CCDC141: variants seen among roughly 807,000 people sequenced by gnomAD.
CCDC141 encodes the protein coiled-coil domain-containing protein 141.
Under a neutral mutation model 181.0 loss-of-function variants are expected in CCDC141, and 168 were observed. The observed-to-expected ratio is 0.93, with a 90% confidence interval of 0.82 to 1.05. CCDC141 has a LOEUF of 1.05. CCDC141 is among the 50% of genes least tolerant of loss of function. The pLI is 0.00. For missense variants in CCDC141, 1,902 were observed against 1,788.5 expected (o/e 1.06, Z -1.14); for synonymous variants, 666 against 642.3 (o/e 1.04, Z -0.56).
chr2:178,963,635 G>C (rs999035604), intron 4 of CCDC141, among the ~76,000 whole-genome samples: 1 of 151,822 alleles, frequency 6.6e-6, no homozygotes. Flanking sequence ...TGAGGTAGTT[G>C]GGCCAGTTTT....
intron 2 of CCDC141, among the ~76,000 whole-genome samples, chr2:179,044,296 G>GA (rs1354150881): frequency 6.6e-6 from 1 of 152,140 alleles, no homozygotes; most frequent in Non-Finnish European, 1.5e-5. Flanking sequence ...CACAGTATTA[G>GA]AAAAAACTAT....
chr2:178,974,572 A>G (rs1165720919), intron 4 of CCDC141, among the ~76,000 whole-genome samples: 2 of 152,188 alleles, frequency 1.3e-5, no homozygotes, highest in East Asian at 3.8e-4. Context: ...TTAGATTTTC[A>G]TCTGGAAAAA....
intron 17 of CCDC141, among the ~76,000 whole-genome samples, chr2:178,862,080 C>G (rs1685644771): frequency 6.6e-6 from 1 of 152,168 alleles, no homozygotes; most frequent in Admixed American, 6.5e-5. Context: ...TTCCTCTATT[C>G]TAATTTACTG....
chr2:178,950,106 A>G (rs1291287694), intron 5 of CCDC141, among the ~76,000 whole-genome samples: 1 of 152,242 alleles, frequency 6.6e-6, no homozygotes, highest in African/African-American at 2.4e-5. Context: ...TTTCTTTTCC[A>G]TGTGCAGAAC....
intron 22 of CCDC141, among the ~76,000 whole-genome samples, chr2:178,840,010 T>C (rs1323271947): frequency 1.3e-5 from 2 of 152,218 alleles, no homozygotes; most frequent in Admixed American, 1.3e-4. Flanking sequence ...GTGCCTTACT[T>C]GTGTTAAGAA....
chr2:178,916,172 A>T (rs1344373052), intron 7 of CCDC141, among the ~76,000 whole-genome samples: 2 of 152,236 alleles, frequency 1.3e-5, no homozygotes, highest in East Asian at 3.8e-4. Flanking sequence ...CAGTGCACTC[A>T]AGGCACAACG....
chr2:178,828,515 TA>T (rs1240854482), downstream of CCDC141, among the ~76,000 whole-genome samples: 2 of 152,158 alleles, frequency 1.3e-5, no homozygotes, highest in Admixed American at 1.3e-4. Context: ...TAGAAATGAA[TA>T]AAAATGCATT....
At chr2:179,013,960 CAAAAAA>C (rs59851189) in intron 2 of CCDC141, among the ~76,000 whole-genome samples, 1 of 46,858 alleles carries the variant, frequency 2.1e-5, no homozygotes, top group Admixed American at 4.1e-4. Context: ...GACTCCATCT[CAAAAAA>C]AAAAAAAAAA....
Position 178,893,716 on chromosome 2 carries a change from A to G in CCDC141, c.1266-5048T>C, listed in dbSNP as rs1687262361. 2.6e-5 allele frequency among the ~76,000 whole-genome samples: 4 copies of G among 151,988 alleles called. No individual in the cohort carries two copies. The South Asian group carries it at 8.3e-4, about 31-fold the overall frequency. ...GTGCCATTTATACTGTAGAAGTGAAATGCATATGTTTCTACAATAAATTTG... is the reference window on the plus strand; with the variant it reads ...GTGCCATTTATACTGTAGAAGTGAAGTGCATATGTTTCTACAATAAATTTG... On this transcript the variant is annotated intron_variant, in intron 8 of 23. Coordinates refer to ENST00000443758, the MANE Select transcript of CCDC141 (RefSeq NM_173648.4).
chr2:178,973,539 C>T (rs1234169652), intron 4 of CCDC141, among the ~76,000 whole-genome samples: 1 of 152,066 alleles, frequency 6.6e-6, no homozygotes, highest in African/African-American at 2.4e-5. Context: ...CAGCATGTGC[C>T]CCATATAAAC....
chr2:178,848,729 C>T lies in CCDC141; in HGVS notation c.3357+1320G>A, dbSNP rs1325103708. ...AAGAGTCGGAGGAAGCACTGATTTT[C>T]GGCCTTCGTATTGGAAGTCAGAAGC... On this transcript the variant is annotated intron_variant, in intron 21 of 23. Transcript: ENST00000443758. 8.6e-5 allele frequency among the ~76,000 whole-genome samples: 13 copies of T among 151,990 alleles called. No individual in the cohort carries two copies. In the East Asian group the frequency reaches 1.7e-3, roughly 20 times the overall value.
Position 178,870,480 on chromosome 2 carries a change from A to G in CCDC141, c.2205+947T>C, listed in dbSNP as rs79411924. Among the ~76,000 whole-genome samples the G allele has an allele frequency of 3.2e-3, 488 of 152,276 alleles. 4 individuals carry two copies. Among genetic ancestry groups the G allele is most frequent in the African/African-American group, 0.011 (458 of 41,562 alleles). On this transcript the variant is annotated intron_variant, in intron 14 of 23. Coordinates refer to ENST00000443758, the MANE Select transcript of CCDC141 (RefSeq NM_173648.4). ...CTGATTTAGAGGAACTTACACGTAC[A>G]TGCAAACGTGCACACAAACAAAATG...
chr2:179,031,404 T>A (rs1248979456), intron 2 of CCDC141, among the ~76,000 whole-genome samples: 1 of 152,004 alleles, frequency 6.6e-6, no homozygotes, highest in Non-Finnish European at 1.5e-5. Flanking sequence ...CCTTTCTCAG[T>A]CTGGCTGAGA....
intron 2 of CCDC141, among the ~76,000 whole-genome samples, chr2:178,987,312 T>C (rs1315057024): frequency 6.6e-6 from 1 of 151,928 alleles, no homozygotes; most frequent in Non-Finnish European, 1.5e-5. Context: ...TATACAAAAA[T>C]CAATTCAAGA....
At chr2:178,896,480 G>T (rs1687413545) in intron 8 of CCDC141, among the ~76,000 whole-genome samples, 1 of 152,136 alleles carries the variant, frequency 6.6e-6, no homozygotes, top group Admixed American at 6.6e-5. Flanking sequence ...ATGCTCATAT[G>T]TACATTTGAT....
chr2:178,909,975 T>C (rs764570700), intron 7 of CCDC141, among the ~76,000 whole-genome samples: 2 of 152,234 alleles, frequency 1.3e-5, no homozygotes, highest in Non-Finnish European at 2.9e-5. Context: ...TAGCTCTTCT[T>C]GAACATTTTA....
intron 2 of CCDC141, chr2:179,001,763 A>C (rs1182310751): frequency 6.6e-6 from 1 of 152,350 alleles, no homozygotes; most frequent in Non-Finnish European, 1.5e-5. Flanking sequence ...AAGCAGATGA[A>C]TATCTCCTTC....
chr2:178,990,243 G>A (rs1691984728), intron 2 of CCDC141, among the ~76,000 whole-genome samples: 1 of 138,082 alleles, frequency 7.2e-6, no homozygotes, highest in South Asian at 2.3e-4. Context: ...ATATAAAATG[G>A]TACAGCTGCT....
intron 8 of CCDC141, among the ~76,000 whole-genome samples, chr2:178,901,475 C>A (rs963277480): frequency 3.3e-5 from 5 of 152,070 alleles, no homozygotes; most frequent in Admixed American, 6.5e-5. Flanking sequence ...TAAATGTAAT[C>A]CAGCATATAA....
Sources: gnomAD v4.1 joint callset for allele counts (sites outside exome capture counted in the v4.1 genomes callset) on GRCh38, gnomAD v4.1.1 for gene constraint, MANE v1.5 for transcripts, NCBI Gene and HGNC (gene_info 2026-07-23, HGNC 2026-07-21) for gene names.